FRK: variants seen among roughly 807,000 people sequenced by gnomAD.
FRK encodes tyrosine-protein kinase FRK.
Under a neutral mutation model 56.4 loss-of-function variants are expected in FRK, and 51 were observed. The ratio of observed to expected loss-of-function variants is 0.90; its 90% confidence interval spans 0.72 to 1.14. The LOEUF (loss-of-function observed/expected upper bound fraction) is 1.14, where lower values mean the gene tolerates loss of function less well. FRK is among the 50% of genes most tolerant of loss of function. FRK has a pLI of 0.00. For missense variants in FRK, 570 were observed against 601.4 expected (o/e 0.95, Z 0.55); for synonymous variants, 245 against 217.9 (o/e 1.12, Z -1.10).
chr6:115,968,760 T>G lies in FRK; in HGVS notation c.467-21A>C, dbSNP rs771074859. On this transcript the variant is annotated intron_variant, in intron 2 of 7. Transcript: ENST00000606080. ...TAAAACTGGAACCCAAAATAATTCC[T>G]GTTAATAAACTTCTTGCTAAAACCA... is the stretch of plus-strand genomic sequence containing the variant. 3.1e-6 allele frequency: 5 copies of G among 1,605,832 alleles called. No homozygotes were observed. The East Asian group carries it at 1.1e-4, about 36-fold the overall frequency.
chr6:116,075,329 G>C, the FRK span, among the ~76,000 whole-genome samples: 6 of 152,074 alleles, frequency 3.9e-5, no homozygotes, highest in East Asian at 1.2e-3. Flanking sequence ...TACACCATAT[G>C]GATCATTGTG....
the FRK span, among the ~76,000 whole-genome samples, chr6:116,086,985 C>T: frequency 6.6e-6 from 1 of 152,044 alleles, no homozygotes; most frequent in Non-Finnish European, 1.5e-5. Flanking sequence ...TACTTGATGT[C>T]GTTTCTAAAG....
At chr6:116,049,330 T>C (rs1483243447) in intron 1 of FRK, among the ~76,000 whole-genome samples, 1 of 152,236 alleles carries the variant, frequency 6.6e-6, no homozygotes, top group African/African-American at 2.4e-5. Context: ...CAAGGAATTG[T>C]ACTGAATTGT....
chr6:116,073,080 C>T, the FRK span, among the ~76,000 whole-genome samples: 2 of 151,992 alleles, frequency 1.3e-5, no homozygotes, highest in South Asian at 2.1e-4. Context: ...CTCCACTGTA[C>T]CCTGATTTTA....
At chr6:116,011,492 C>A (rs1035824070) in intron 1 of FRK, among the ~76,000 whole-genome samples, 3 of 151,864 alleles carry the variant, frequency 2.0e-5, no homozygotes, top group African/African-American at 7.3e-5. Context: ...AAACATCCTT[C>A]CAGAAAATGC....
intron 2 of FRK, among the ~76,000 whole-genome samples, chr6:115,991,885 G>A (rs1774623121): frequency 6.6e-6 from 1 of 151,550 alleles, no homozygotes; most frequent in Non-Finnish European, 1.5e-5. Flanking sequence ...ACTTAGCTGT[G>A]AATCTGTCTG....
At chr6:115,991,546 A>T (rs1181507463) in intron 2 of FRK, among the ~76,000 whole-genome samples, 1 of 151,468 alleles carries the variant, frequency 6.6e-6, no homozygotes, top group African/African-American at 2.4e-5. Flanking sequence ...TTTGTTTTTA[A>T]TTCTGTTTAT....
In FRK at chr6:116,046,103, A is replaced by G. The variant is rs540105807; in HGVS notation, c.344+13865T>C. Among the ~76,000 whole-genome samples the G allele has an allele frequency of 1.1e-4, 17 of 152,342 alleles. 1 individual carries two copies. The East Asian group carries it at 3.1e-3, about 28-fold the overall frequency. ...CAAAACCATGATGAGATACCATCTC[A>G]TGTCAGTTAGAATGGTGATCATTAA... On this transcript the variant is annotated intron_variant, in intron 1 of 7. Transcript: ENST00000606080.
At chr6:116,090,143 G>A in the FRK span, among the ~76,000 whole-genome samples, 3 of 152,130 alleles carry the variant, frequency 2.0e-5, no homozygotes, top group African/African-American at 7.2e-5. Flanking sequence ...ACAGGATGAA[G>A]AGCATGATAA....
the FRK span, among the ~76,000 whole-genome samples, chr6:116,066,268 C>T: frequency 1.3e-5 from 2 of 152,178 alleles, no homozygotes; most frequent in Non-Finnish European, 2.9e-5. Context: ...CAGCCTACAT[C>T]TTTCTCCTGT....
At chr6:116,042,702 A>C (rs1445734579) in intron 1 of FRK, among the ~76,000 whole-genome samples, 1 of 152,234 alleles carries the variant, frequency 6.6e-6, no homozygotes, top group Non-Finnish European at 1.5e-5. Flanking sequence ...ACCAGCTAGC[A>C]TCATAATGAC....
At chr6:116,008,802 A>G (rs573835352) in intron 1 of FRK, among the ~76,000 whole-genome samples, 68 of 152,314 alleles carry the variant, frequency 4.5e-4, no homozygotes, top group South Asian at 2.7e-3. Context: ...AGTGCTGAGA[A>G]GGGATCAAGA....
At chr6:116,036,505 C>A (rs1258645542) in intron 1 of FRK, among the ~76,000 whole-genome samples, 4 of 152,074 alleles carry the variant, frequency 2.6e-5, no homozygotes, top group East Asian at 1.9e-4. Flanking sequence ...TCTCATAATA[C>A]CCTCTGTACA....
Position 116,060,577 on chromosome 6 carries a change from GGT to G in FRK, c.-268_-267del. On this transcript the variant is annotated 5_prime_UTR_variant, in exon 1 of 8. The change abolishes the stop of an existing upstream ORF in the 5' untranslated region. Coordinates refer to ENST00000606080, the MANE Select transcript of FRK (RefSeq NM_002031.3). ...GAGCTGGGCAGCTGCTCACTAGGAA[GGT>G]GTCTTTTCTTCTTATCTGCTTAAGA... 2.5e-6 allele frequency: 1 copy of G among 404,036 alleles called. No individual in the cohort carries two copies. Among genetic ancestry groups the G allele is most frequent in the South Asian group, 5.4e-5 (1 of 18,550 alleles). 25.0% of individuals were successfully genotyped at this position (404,036 alleles called of 1,614,324 possible).
intron 2 of FRK, among the ~76,000 whole-genome samples, chr6:115,982,315 A>T (rs1326577653): frequency 6.6e-6 from 1 of 152,084 alleles, no homozygotes; most frequent in African/African-American, 2.4e-5. Context: ...GAATAATTAT[A>T]CCATTGCCAG....
chr6:115,958,634 G>GGAAAGAAAGAAAGAAAGAAAGAAA, intron 4 of FRK, among the ~76,000 whole-genome samples: 1 of 55,716 alleles, frequency 1.8e-5, no homozygotes, highest in Admixed American at 2.3e-4. Flanking sequence ...TCTCAAAAAA[G>GGAAAGAAAGAAAGAAAGAAAGAAA]GAAAGAAAGA....
intron 1 of FRK, among the ~76,000 whole-genome samples, chr6:116,030,675 C>G (rs1468740624): frequency 6.6e-6 from 1 of 152,176 alleles, no homozygotes; most frequent in African/African-American, 2.4e-5. Context: ...CCCTTCATTG[C>G]TTTCCCCATA....
rs188053581 is a variant in FRK, at chr6:116,035,364, T to C, written c.344+24604A>G. Reference sequence around the variant, plus strand: ...GTTCTAAGAAATCAGTACACAAATATCCAATTTCAGTTGACCTCACAGGAT... The same window carrying C: ...GTTCTAAGAAATCAGTACACAAATACCCAATTTCAGTTGACCTCACAGGAT... On this transcript the variant is annotated intron_variant, in intron 1 of 7. Transcript: ENST00000606080. 2.0e-5 allele frequency among the ~76,000 whole-genome samples: 3 copies of C among 152,092 alleles called. No individual in the cohort carries two copies. The East Asian group carries it at 5.8e-4, about 29-fold the overall frequency.
chr6:115,944,456 C>A (rs1461769886), intron 5 of FRK, 31 bp from the exon 6 acceptor site: 2 of 1,529,472 alleles, frequency 1.3e-6, no homozygotes, highest in South Asian at 1.2e-5. Context: ...AAGAAAGTTA[C>A]CTTAGAGAAC....
Sources: gnomAD v4.1 joint callset for allele counts (sites outside exome capture counted in the v4.1 genomes callset) on GRCh38, gnomAD v4.1.1 for gene constraint, MANE v1.5 for transcripts, NCBI Gene and HGNC (gene_info 2026-07-23, HGNC 2026-07-21) for gene names.